The following ADGRB3 variants were observed in gnomAD, a reference collection of about 807,000 sequenced individuals.
ADGRB3 encodes brain-specific angiogenesis inhibitor 3.
A neutral mutation model predicts 193.4 loss-of-function variants in ADGRB3; 37 were observed. The ratio of observed to expected loss-of-function variants is 0.19; its 90% CI spans 0.15 to 0.25. The LOEUF is 0.25. Among genes scored for constraint, ADGRB3 ranks in the 10% least tolerant of loss-of-function variants. ADGRB3 has a pLI of 1.00. For synonymous variants in ADGRB3, 690 were observed against 644.2 expected (o/e 1.07, Z -1.08); for missense variants, 1,637 against 1,852.9 (o/e 0.88, Z 2.14).
At chr6:68,712,785 T>C (rs1765427182) in intron 3 of ADGRB3, among the ~76,000 whole-genome samples, 1 of 152,008 alleles carries the variant, frequency 6.6e-6, no homozygotes, top group African/African-American at 2.4e-5. Context: ...ACTCACTGTT[T>C]AGTAGTTAAG....
chr6:68,942,957 T>C (rs1429887187), intron 5 of ADGRB3, among the ~76,000 whole-genome samples: 1 of 152,196 alleles, frequency 6.6e-6, no homozygotes, highest in African/African-American at 2.4e-5. Flanking sequence ...ACAATACTTA[T>C]TCACAGTGGT....
intron 3 of ADGRB3, among the ~76,000 whole-genome samples, chr6:68,644,822 C>A (rs776482360): frequency 6.6e-6 from 1 of 152,002 alleles, no homozygotes; most frequent in Non-Finnish European, 1.5e-5. Context: ...AAGAGGGGTG[C>A]GAACACTTAA....
intron 17 of ADGRB3, among the ~76,000 whole-genome samples, chr6:69,194,288 T>C (rs772580018): frequency 2.0e-5 from 3 of 152,156 alleles, no homozygotes; most frequent in South Asian, 2.1e-4. Flanking sequence ...CTGTCCCTTG[T>C]ACAGCAGGGA....
Position 69,327,854 on chromosome 6 carries a change from C to T in ADGRB3, c.3000C>T (p.Gly1000=), listed in dbSNP as rs1474486705. The T allele has an allele frequency of 1.9e-6, 3 of 1,610,488 alleles. No individual in the cohort carries two copies. The part of the protein sequence containing the change: ...LPALVVATSV[G]FTRTKGYGTD... Reference sequence around the variant, plus strand: ...CATTAGTAGTGGCCACATCAGTAGGCTTCACCAGAACAAAAGGATATGGCA... The same window carrying T: ...CATTAGTAGTGGCCACATCAGTAGGTTTCACCAGAACAAAAGGATATGGCA... The change falls in exon 22 of 32, where the codon GGC becomes GGT. Residue 1000 remains glycine (G), a synonymous_variant. Coordinates refer to ENST00000370598, the MANE Select transcript of ADGRB3 (RefSeq NM_001704.3).
intron 10 of ADGRB3, among the ~76,000 whole-genome samples, chr6:68,991,474 T>C (rs944900843): frequency 6.6e-6 from 1 of 150,938 alleles, no homozygotes; most frequent in Non-Finnish European, 1.5e-5. Context: ...CCATTTTAGG[T>C]AGGAAGTCAG....
intron 20 of ADGRB3, among the ~76,000 whole-genome samples, chr6:69,307,858 C>T (rs1161755072): frequency 6.6e-6 from 1 of 151,312 alleles, no homozygotes; most frequent in African/African-American, 2.4e-5. Flanking sequence ...CCATCTTTTC[C>T]ACAGAGTCCC....
chr6:68,899,295 CT>C (rs556978689), intron 3 of ADGRB3, among the ~76,000 whole-genome samples: 14 of 151,996 alleles, frequency 9.2e-5, no homozygotes, highest in Middle Eastern at 3.4e-3. Context: ...TTTTGCCATT[CT>C]TTTTTTTATT....
Position 69,279,069 on chromosome 6 carries a change from A to ATG in ADGRB3, c.2814+39845_2814+39846dup, listed in dbSNP as rs1229976217. Among the ~76,000 whole-genome samples, 470 of 57,006 alleles carry ATG rather than the reference A, an allele frequency of 8.2e-3. 36 individuals are homozygous for ATG. The highest frequency in any genetic ancestry group is 0.016 in the Admixed American group (77 of 4,740). 37.4% of individuals were successfully genotyped at this position (57,006 alleles called of 152,430 possible). ...ACCTCATATGGCATATTAAATACATATGTATATATATATATATATATATAT... is the reference window on the plus strand; with the variant it reads ...ACCTCATATGGCATATTAAATACATATGTGTATATATATATATATATATATAT... On this transcript the variant is annotated intron_variant, in intron 20 of 31. Transcript: ENST00000370598.
intron 17 of ADGRB3, among the ~76,000 whole-genome samples, chr6:69,159,358 A>G (rs1308664794): frequency 6.6e-6 from 1 of 152,112 alleles, no homozygotes; most frequent in Non-Finnish European, 1.5e-5. Context: ...TTTATTTTTA[A>G]AATTCTTCAT....
chr6:69,238,743 C>T (rs1257101120), intron 19 of ADGRB3, among the ~76,000 whole-genome samples: 1 of 151,784 alleles, frequency 6.6e-6, no homozygotes, highest in Non-Finnish European at 1.5e-5. Flanking sequence ...GCTAAACATA[C>T]ATACACACAT....
intron 3 of ADGRB3, among the ~76,000 whole-genome samples, chr6:68,892,446 G>A (rs939512102): frequency 2.0e-5 from 3 of 152,128 alleles, no homozygotes; most frequent in African/African-American, 7.2e-5. Context: ...TCCTCAGAGA[G>A]GTCTTCCTTG....
intron 17 of ADGRB3, among the ~76,000 whole-genome samples, chr6:69,158,073 G>A (rs1223459437): frequency 6.6e-6 from 1 of 152,090 alleles, no homozygotes; most frequent in African/African-American, 2.4e-5. Context: ...TCTTATGCCA[G>A]ATCTCCTGCT....
intron 28 of ADGRB3, 81 bp downstream of exon 28, chr6:69,355,941 G>A: frequency 1.6e-6 from 2 of 1,236,440 alleles, no homozygotes; most frequent in East Asian, 4.7e-5. Flanking sequence ...AGAAAATGCT[G>A]TGGTTTACAC....
At chr6:68,979,169 T>G (rs1420530459) in intron 10 of ADGRB3, among the ~76,000 whole-genome samples, 1 of 151,408 alleles carries the variant, frequency 6.6e-6, no homozygotes, top group Non-Finnish European at 1.5e-5. Context: ...AAGCATATAC[T>G]ATTAATAAAT....
At chr6:69,106,245 TTATTTTTATGTTA>T (rs1054882298) in intron 17 of ADGRB3, among the ~76,000 whole-genome samples, 4 of 151,692 alleles carry the variant, frequency 2.6e-5, no homozygotes, top group African/African-American at 7.3e-5. Context: ...TTATTTTATG[TTATTTTTATGTTA>T]TATTTTTATG....
intron 10 of ADGRB3, among the ~76,000 whole-genome samples, chr6:68,980,358 A>G (rs1768872904): frequency 6.6e-6 from 1 of 151,542 alleles, no homozygotes; most frequent in Admixed American, 6.6e-5. Context: ...CTACAGACAG[A>G]GAGACCAAGA....
chr6:68,932,067 A>G lies in ADGRB3; in HGVS notation c.868+1398A>G, dbSNP rs1272227975. 5.3e-5 allele frequency among the ~76,000 whole-genome samples: 8 copies of G among 152,300 alleles called. No homozygotes were observed. In the East Asian group the frequency reaches 1.5e-3, roughly 29 times the overall value. ...CCTTTACAGGGAGCAAAAAGTCTCA[A>G]CCACTGAGCAGAGATTAGAGACATT... On this transcript the variant is annotated intron_variant, in intron 4 of 31. Coordinates refer to ENST00000370598, the MANE Select transcript of ADGRB3 (RefSeq NM_001704.3).
intron 3 of ADGRB3, among the ~76,000 whole-genome samples, chr6:68,846,124 C>T (rs1431374820): frequency 6.6e-6 from 1 of 152,084 alleles, no homozygotes; most frequent in African/African-American, 2.4e-5. Flanking sequence ...AGCATTTTGC[C>T]CCTGCCCTAG....
intron 30 of ADGRB3, among the ~76,000 whole-genome samples, chr6:69,374,534 T>C (rs1356397815): frequency 2.0e-5 from 3 of 152,008 alleles, no homozygotes; most frequent in African/African-American, 7.2e-5. Flanking sequence ...CTCCCCAGAG[T>C]CCACACACTA....
Sources: gnomAD v4.1 joint callset for allele counts (sites outside exome capture counted in the v4.1 genomes callset) on GRCh38, gnomAD v4.1.1 for gene constraint, MANE v1.5 for transcripts, NCBI Gene and HGNC (gene_info 2026-07-23, HGNC 2026-07-21) for gene names.